The following KLHL29 variants were observed in gnomAD, a reference collection of about 807,000 sequenced individuals.
KLHL29 encodes the protein kelch like family member 29, also known as kelch-like protein 29.
Under a neutral mutation model 80.4 loss-of-function variants are expected in KLHL29, and 21 were observed. The observed-to-expected ratio is 0.26, with a 90% CI of 0.19 to 0.38. The LOEUF (loss-of-function observed/expected upper bound fraction) is 0.38, where lower values mean the gene tolerates loss of function less well. KLHL29 is among the 10% of genes least tolerant of loss of function. The pLI, the probability that KLHL29 is intolerant of heterozygous loss-of-function variation, is 1.00. For missense variants in KLHL29, 867 were observed against 1,223.9 expected (o/e 0.71, Z 4.35); for synonymous variants, 511 against 526.8 (o/e 0.97, Z 0.41).
chr2:23,562,138 C>A lies in KLHL29; in HGVS notation c.-45-14C>A. On this transcript the variant is annotated splice_polypyrimidine_tract_variant and intron_variant, in intron 2 of 13. Transcript: ENST00000486442. The surrounding 1 kb of genome is among the most constrained non-coding windows in gnomAD (Gnocchi z 4.5). Reference sequence around the variant, plus strand: ...CAGTCCTAAATCACCCTTCTCTCCACCCTGTCACCACAGGTCCGGGCTCTG... The same window carrying A: ...CAGTCCTAAATCACCCTTCTCTCCAACCTGTCACCACAGGTCCGGGCTCTG... 1.3e-6 allele frequency: 2 copies of A among 1,542,786 alleles called. No individual in the cohort carries two copies. Among genetic ancestry groups the A allele is most frequent in the Non-Finnish European group, 1.7e-6 (2 of 1,143,582 alleles).
chr2:23,623,370 C>A (rs1369595173), intron 3 of KLHL29, among the ~76,000 whole-genome samples: 5 of 152,184 alleles, frequency 3.3e-5, no homozygotes, highest in Admixed American at 1.3e-4. Flanking sequence ...GTCTGGGGAA[C>A]AATATGTTTG....
intron 1 of KLHL29, among the ~76,000 whole-genome samples, chr2:23,437,298 A>C (rs528116462): frequency 2.0e-5 from 3 of 152,212 alleles, no homozygotes; most frequent in Non-Finnish European, 4.4e-5. Context: ...TTCTTGATCT[A>C]TGAGATTGCA....
At chr2:23,490,031 T>C (rs1213263173) in intron 2 of KLHL29, among the ~76,000 whole-genome samples, 1 of 152,268 alleles carries the variant, frequency 6.6e-6, no homozygotes, top group East Asian at 1.9e-4. Flanking sequence ...TCAGCTGATG[T>C]TGAATGGAAA....
chr2:23,504,868 C>G (rs754943555), intron 2 of KLHL29, among the ~76,000 whole-genome samples: 3 of 152,198 alleles, frequency 2.0e-5, no homozygotes, highest in Non-Finnish European at 4.4e-5. Flanking sequence ...GCCCAGGCCT[C>G]TCCTCCTCAA....
At chr2:23,572,050 C>A (rs17045574) in intron 3 of KLHL29, among the ~76,000 whole-genome samples, 20,444 of 152,144 alleles carry the variant, frequency 0.13, 2,008 homozygotes, top group Admixed American at 0.25. Flanking sequence ...ATCCTGCTAT[C>A]TGTTGCTTCT....
chr2:23,491,951 C>T (rs946368677), intron 2 of KLHL29, among the ~76,000 whole-genome samples: 1 of 152,180 alleles, frequency 6.6e-6, no homozygotes, highest in Non-Finnish European at 1.5e-5. Context: ...CCCACTCGTC[C>T]TTCCCCTCCA....
chr2:23,609,070 C>T (rs1290357932), intron 3 of KLHL29, among the ~76,000 whole-genome samples: 1 of 152,184 alleles, frequency 6.6e-6, no homozygotes, highest in Admixed American at 6.5e-5. Context: ...GTCTGTGATT[C>T]TATCAACCTG....
intron 3 of KLHL29, among the ~76,000 whole-genome samples, chr2:23,568,679 G>T (rs73919764): frequency 0.016 from 2,445 of 152,290 alleles, 66 homozygotes; most frequent in African/African-American, 0.05. Context: ...CAAGGAGTGG[G>T]CAAAGAGACC....
chr2:23,489,006 C>G (rs994053895), intron 2 of KLHL29, among the ~76,000 whole-genome samples: 1 of 152,170 alleles, frequency 6.6e-6, no homozygotes, highest in Non-Finnish European at 1.5e-5. Flanking sequence ...CAGGACAGGA[C>G]TTTGCATGCC....
rs910572103 is a variant in KLHL29 at position 23,406,162 on chromosome 2, C to G, written c.-154+20382C>G. On this transcript the variant is annotated intron_variant, in intron 1 of 13. Coordinates refer to ENST00000486442, the MANE Select transcript of KLHL29 (RefSeq NM_052920.2). ...TGACCAACATGATGAAACCCCGTCT[C>G]TACTAAAATACAAAAATTAATCGGG... is the stretch of plus-strand genomic sequence containing the variant. 2.6e-5 allele frequency among the ~76,000 whole-genome samples: 4 copies of G among 152,004 alleles called. No individual in the cohort carries two copies. In the South Asian group the frequency reaches 6.2e-4, roughly 24 times the overall value.
intron 2 of KLHL29, among the ~76,000 whole-genome samples, chr2:23,557,146 G>A (rs1025234845): frequency 6.6e-6 from 1 of 152,206 alleles, no homozygotes; most frequent in Non-Finnish European, 1.5e-5. Context: ...CTCGTCTAAC[G>A]TACCTCATCC....
intron 1 of KLHL29, among the ~76,000 whole-genome samples, chr2:23,462,921 G>A (rs901428559): frequency 1.1e-4 from 16 of 152,128 alleles, no homozygotes; most frequent in African/African-American, 3.9e-4. Flanking sequence ...GATTGCTTGA[G>A]CCCGGGAGTT....
At chr2:23,580,094 G>T (rs1024384311) in intron 3 of KLHL29, among the ~76,000 whole-genome samples, 1 of 152,240 alleles carries the variant, frequency 6.6e-6, no homozygotes. Context: ...GACCAGGCCG[G>T]GCGCGGTGGC....
Position 23,531,506 on chromosome 2 carries a change from G to A in KLHL29, c.-45-30646G>A, listed in dbSNP as rs370707316. ...TGAGCTGAGACCCTGCCTCCGAGCC[G>A]CCAGGACGGAGCTGCTTTATTGCAG... On this transcript the variant is annotated intron_variant, in intron 2 of 13. Transcript: ENST00000486442. 7.4e-4 allele frequency among the ~76,000 whole-genome samples: 112 copies of A among 152,286 alleles called. 3 individuals carry two copies. The South Asian group carries it at 0.02, about 27-fold the overall frequency.
At chr2:23,662,075 G>A (rs896069977) in intron 5 of KLHL29, among the ~76,000 whole-genome samples, 2 of 152,216 alleles carry the variant, frequency 1.3e-5, no homozygotes, top group Admixed American at 6.5e-5. Context: ...CAGGTGCTCC[G>A]TAGGCATCAG....
At chr2:23,453,581 C>A (rs1177569436) in intron 1 of KLHL29, among the ~76,000 whole-genome samples, 1 of 152,216 alleles carries the variant, frequency 6.6e-6, no homozygotes, top group Non-Finnish European at 1.5e-5. Flanking sequence ...TGGGTTCTGG[C>A]AGCCCCAGGA....
intron 1 of KLHL29, among the ~76,000 whole-genome samples, chr2:23,439,867 G>A (rs966675277): frequency 6.6e-6 from 1 of 151,904 alleles, no homozygotes; most frequent in Non-Finnish European, 1.5e-5. Context: ...GGGTATCCTT[G>A]TTAACTTTCT....
intron 1 of KLHL29, among the ~76,000 whole-genome samples, chr2:23,453,413 A>G (rs1227892481): frequency 6.6e-6 from 1 of 152,268 alleles, no homozygotes; most frequent in Non-Finnish European, 1.5e-5. Context: ...TGCATCTCCC[A>G]CATTGAGGCT....
At chr2:23,408,271 A>T (rs974789889) in intron 1 of KLHL29, among the ~76,000 whole-genome samples, 1 of 71,652 alleles carries the variant, frequency 1.4e-5, no homozygotes, top group Non-Finnish European at 2.9e-5. Flanking sequence ...GCTAAAAAAA[A>T]AAAAAAAAAA....
Sources: gnomAD v4.1 joint callset for allele counts (sites outside exome capture counted in the v4.1 genomes callset) on GRCh38, gnomAD v4.1.1 for gene constraint, Gnocchi (gnomAD v3.1) non-coding constraint, MANE v1.5 for transcripts, NCBI Gene and HGNC (gene_info 2026-07-23, HGNC 2026-07-21) for gene names.